The following SHQ1 variants were observed in gnomAD, a reference collection of about 807,000 sequenced individuals.
SHQ1 encodes the protein protein SHQ1 homolog.
A neutral mutation model predicts 53.8 loss-of-function variants in SHQ1; 49 were observed. That is an observed-to-expected ratio of 0.91 (90% CI 0.72 to 1.16). The LOEUF (loss-of-function observed/expected upper bound fraction) is 1.16, where lower values mean the gene tolerates loss of function less well. Among genes scored for constraint, SHQ1 ranks in the 50% most tolerant of loss-of-function variants. SHQ1 has a pLI of 0.00. For missense variants in SHQ1, 738 were observed against 683.1 expected, an observed-to-expected ratio of 1.08 and a Z score of -0.90; for synonymous variants, 243 against 251.0, an observed-to-expected ratio of 0.97 and a Z score of 0.30.
intron 9 of SHQ1, among the ~76,000 whole-genome samples, chr3:72,797,091 C>G (rs1342748781): frequency 6.6e-6 from 1 of 151,870 alleles, no homozygotes; most frequent in Non-Finnish European, 1.5e-5. Context: ...AACCCTGTCT[C>G]TACTAAAAAT....
intron 9 of SHQ1, among the ~76,000 whole-genome samples, chr3:72,806,237 A>G (rs1157861147): frequency 6.6e-6 from 1 of 152,184 alleles, no homozygotes; most frequent in Admixed American, 6.5e-5. Flanking sequence ...TCCCTTTCAA[A>G]CATTCAGCAG....
chr3:72,813,079 A>G (rs1406972124), intron 8 of SHQ1, among the ~76,000 whole-genome samples: 2 of 152,242 alleles, frequency 1.3e-5, no homozygotes, highest in Non-Finnish European at 2.9e-5. Context: ...TCTAAAACAC[A>G]TGGCATTAAC....
At position 72,796,928 on chromosome 3, in the gene SHQ1, TAAAAAAA is replaced by T. The variant is rs60237295; in HGVS notation, c.1061-3899_1061-3893del. Among the ~76,000 whole-genome samples the T allele has an allele frequency of 5.4e-3, 653 of 119,856 alleles. 5 individuals are homozygous for T. The highest frequency in any genetic ancestry group is 0.018 in the African/African-American group (596 of 32,550). 78.6% of individuals were successfully genotyped at this position (119,856 alleles called of 152,430 possible). A position where few individuals can be genotyped will look rare whatever the true frequency, so the allele number is the denominator to read the frequency against. ...TTGCATGTTCTGATCCCTATTTTCT[TAAAAAAA>T]AAAAAAAAAAAAAAGACTAATACTC... On this transcript the variant is annotated intron_variant, in intron 9 of 10. Transcript: ENST00000325599.
intron 10 of SHQ1, among the ~76,000 whole-genome samples, chr3:72,758,260 C>G (rs746135731): frequency 6.6e-6 from 1 of 152,202 alleles, no homozygotes; most frequent in Non-Finnish European, 1.5e-5. Flanking sequence ...TTAACAAAAA[C>G]ATTCAATCTC....
downstream of SHQ1, among the ~76,000 whole-genome samples, chr3:72,748,926 C>T (rs1424088986): frequency 6.6e-6 from 1 of 151,794 alleles, no homozygotes; most frequent in East Asian, 1.9e-4. Flanking sequence ...TTGCACTCCA[C>T]TCTGGGAGAC....
rs772313401 is a variant in SHQ1, at chr3:72,760,413, C to G, written c.1182-9577G>C. On this transcript the variant is annotated intron_variant, in intron 10 of 10. Transcript: ENST00000325599. ...AAACTCAATGAATATTCAGAAAGGA[C>G]TTCCTGCATGACACATATAAGTGGC... 1.2e-4 allele frequency among the ~76,000 whole-genome samples: 19 copies of G among 152,290 alleles called. No individual in the cohort carries two copies. In the Middle Eastern group the frequency reaches 0.02, roughly 164 times the overall value.
intron 4 of SHQ1, among the ~76,000 whole-genome samples, chr3:72,840,546 G>T (rs1238909839): frequency 6.9e-6 from 1 of 144,854 alleles, no homozygotes; most frequent in African/African-American, 2.6e-5. Flanking sequence ...TGGCGACAGG[G>T]TAAGACTCCG....
chr3:72,846,369 A>T, intron 1 of SHQ1: 1 of 1,459,702 alleles, frequency 6.9e-7, no homozygotes, highest in Non-Finnish European at 9.1e-7. Flanking sequence ...ATCTTGGCTC[A>T]CTGCAACCTT....
rs767921998 is a variant in SHQ1, at chr3:72,815,341, A to G, written c.936+9T>C. ...ACAAATTCTAAACAATTGCAACTGG[A>G]AATCATACCTCAAACCAGCATAGTG... On this transcript the variant is annotated intron_variant, in intron 8 of 10. Transcript: ENST00000325599. 9.3e-6 allele frequency: 15 copies of G among 1,611,130 alleles called. No homozygotes were observed. The highest frequency in any genetic ancestry group is 1.7e-5 in the Admixed American group (1 of 59,934).
rs1488211061 is a variant in SHQ1, at chr3:72,848,332, G to C, written c.9C>G (p.Thr3=). 9 of 1,613,846 alleles carry C rather than the reference G, an allele frequency of 5.6e-6. No individual in the cohort carries two copies. The highest frequency in any genetic ancestry group is 6.8e-6 in the Non-Finnish European group (8 of 1,179,946). The part of the protein sequence containing the change: ML[T]PAFDLSQDPD... The stretch of plus-strand genomic sequence containing the variant: ...GATCCTGGCTGAGGTCGAACGCCGG[G>C]GTCAGCATCGCCGCACCGGACGCAA... Residue 3 remains threonine, a synonymous_variant, in exon 1 of 11, where the codon ACC becomes ACG. Coordinates refer to ENST00000325599, the MANE Select transcript of SHQ1 (RefSeq NM_018130.3).
intron 10 of SHQ1, among the ~76,000 whole-genome samples, chr3:72,770,138 G>A (rs1201862768): frequency 6.6e-6 from 1 of 152,214 alleles, no homozygotes; most frequent in Non-Finnish European, 1.5e-5. Flanking sequence ...GTGCATCAAT[G>A]GAGCTTTGTT....
intron 10 of SHQ1, chr3:72,773,189 C>G (rs972369259): frequency 8.2e-6 from 6 of 731,104 alleles, no homozygotes; most frequent in African/African-American, 6.9e-5. Flanking sequence ...CCAGAGTTTT[C>G]AGGAGCAAGT....
At chr3:72,833,543 A>G (rs529662790) in intron 4 of SHQ1, among the ~76,000 whole-genome samples, 82 of 79,390 alleles carry the variant, frequency 1.0e-3, no homozygotes, top group African/African-American at 5.9e-3. Context: ...ACAGATAGAT[A>G]GATAGATAGA....
chr3:72,816,822 A>C (rs1466980936), intron 7 of SHQ1, among the ~76,000 whole-genome samples: 2 of 152,218 alleles, frequency 1.3e-5, no homozygotes, highest in East Asian at 1.9e-4. Flanking sequence ...GTAAAATGCC[A>C]TATTTTGCAT....
chr3:72,733,618 G>T, the SHQ1 span, among the ~76,000 whole-genome samples: 1 of 151,512 alleles, frequency 6.6e-6, no homozygotes, highest in East Asian at 1.9e-4. Flanking sequence ...ATCCTTGAAA[G>T]AAAGGATTAT....
chr3:72,773,418 A>C, intron 10 of SHQ1: 1 of 426,796 alleles, frequency 2.3e-6, no homozygotes, highest in South Asian at 2.0e-5. Context: ...GTGGTAGATG[A>C]GTGAAATCCC....
At chr3:72,764,667 A>G (rs1705683118) in intron 10 of SHQ1, among the ~76,000 whole-genome samples, 2 of 152,232 alleles carry the variant, frequency 1.3e-5, no homozygotes, top group Admixed American at 6.5e-5. Flanking sequence ...CAGGAGCAGC[A>G]GCATCATCTT....
chr3:72,781,718 T>C (rs1559668647), intron 10 of SHQ1, among the ~76,000 whole-genome samples: 1 of 152,146 alleles, frequency 6.6e-6, no homozygotes, highest in Non-Finnish European at 1.5e-5. Flanking sequence ...TGACTCTCTT[T>C]GAAAATAGGA....
the SHQ1 span, among the ~76,000 whole-genome samples, chr3:72,732,053 C>A: frequency 6.6e-6 from 1 of 151,602 alleles, no homozygotes; most frequent in African/African-American, 2.4e-5. Context: ...CAGGGAAATC[C>A]CCTCACTGAG....
Sources: gnomAD v4.1 joint callset for allele counts (sites outside exome capture counted in the v4.1 genomes callset) on GRCh38, gnomAD v4.1.1 for gene constraint, MANE v1.5 for transcripts, NCBI Gene and HGNC (gene_info 2026-07-23, HGNC 2026-07-21) for gene names.